ATP8B4: variants seen among roughly 807,000 people sequenced by gnomAD.
The protein encoded by ATP8B4 is ATPase phospholipid transporting 8B4 (putative).
In ATP8B4, 133 loss-of-function variants were observed where a neutral mutation model predicts 145.6. The observed-to-expected ratio is 0.91, with a 90% CI of 0.79 to 1.05. The LOEUF (loss-of-function observed/expected upper bound fraction) is 1.05. ATP8B4 is among the 50% of genes least tolerant of loss of function. ATP8B4 has a pLI of 0.00. For synonymous variants in ATP8B4, 507 were observed against 492.9 expected (o/e 1.03, Z -0.38); for missense variants, 1,458 against 1,425.2 (o/e 1.02, Z -0.37).
chr15:50,016,741 T>C (rs2049121419), intron 6 of ATP8B4, among the ~76,000 whole-genome samples: 1 of 152,104 alleles, frequency 6.6e-6, no homozygotes, highest in South Asian at 2.1e-4. Context: ...CCAAGGGCAA[T>C]TCCCAGAGAG....
At chr15:50,028,330 C>T (rs576671574) in intron 6 of ATP8B4, among the ~76,000 whole-genome samples, 1 of 152,270 alleles carries the variant, frequency 6.6e-6, no homozygotes, top group African/African-American at 2.4e-5. Flanking sequence ...TAGAACATGC[C>T]TAACATGGAA....
intron 3 of ATP8B4, among the ~76,000 whole-genome samples, chr15:50,055,303 T>C (rs928935265): frequency 1.3e-5 from 2 of 152,194 alleles, no homozygotes; most frequent in African/African-American, 2.4e-5. Flanking sequence ...CTAAGTCAAT[T>C]TGAGTTGGTT....
At chr15:49,947,763 C>G (rs1376864743) in intron 14 of ATP8B4, among the ~76,000 whole-genome samples, 1 of 151,974 alleles carries the variant, frequency 6.6e-6, no homozygotes, top group South Asian at 2.1e-4. Context: ...TACTGGTATC[C>G]CCAGTAAAGA....
intron 1 of ATP8B4, among the ~76,000 whole-genome samples, chr15:50,177,461 T>G (rs1191625874): frequency 6.6e-6 from 1 of 152,220 alleles, no homozygotes; most frequent in East Asian, 1.9e-4. Flanking sequence ...GTTTATAAGT[T>G]CAGTACAAGG....
chr15:49,987,558 T>C lies in ATP8B4; in HGVS notation c.590-9A>G. On this transcript the variant is annotated splice_polypyrimidine_tract_variant and intron_variant, in intron 9 of 27. Transcript: ENST00000284509. ...CTCACAGACAACAATCCCTGGAAAATAAAAAAACAAAACAAACCTCTTTAT... is the reference window on the plus strand; with the variant it reads ...CTCACAGACAACAATCCCTGGAAAACAAAAAAACAAAACAAACCTCTTTAT... 1.2e-6 allele frequency: 2 copies of C among 1,608,406 alleles called. No homozygotes were observed. The highest frequency in any genetic ancestry group is 2.2e-5 in the East Asian group (1 of 44,772).
At chr15:49,939,783 C>T (rs1388092043) in intron 14 of ATP8B4, among the ~76,000 whole-genome samples, 1 of 151,958 alleles carries the variant, frequency 6.6e-6, no homozygotes, top group Non-Finnish European at 1.5e-5. Flanking sequence ...AGAAAATATG[C>T]CAAAGACACA....
intron 7 of ATP8B4, among the ~76,000 whole-genome samples, chr15:50,007,874 T>G (rs1486936627): frequency 6.6e-6 from 1 of 152,188 alleles, no homozygotes; most frequent in Non-Finnish European, 1.5e-5. Flanking sequence ...GGAAAAACTT[T>G]GAACAAAATT....
chr15:50,144,866 G>A (rs8033014), intron 1 of ATP8B4, among the ~76,000 whole-genome samples: 134,171 of 152,096 alleles, frequency 0.88, 59,234 homozygotes, highest in East Asian at 0.97. Flanking sequence ...CCTGGAAGCC[G>A]TCACGGACTA....
At chr15:50,006,413 C>G (rs1438252626) in intron 7 of ATP8B4, among the ~76,000 whole-genome samples, 1 of 129,106 alleles carries the variant, frequency 7.7e-6, no homozygotes, top group Non-Finnish European at 1.6e-5. Flanking sequence ...TTACTTACAG[C>G]AAATAGGTTG....
At chr15:49,985,164 G>T (rs567506291) in intron 10 of ATP8B4, among the ~76,000 whole-genome samples, 2 of 151,096 alleles carry the variant, frequency 1.3e-5, no homozygotes, top group African/African-American at 4.9e-5. Context: ...TGGTGCAATC[G>T]CAGCTCACTA....
At chr15:49,900,372 T>C (rs2037886171) in intron 21 of ATP8B4, among the ~76,000 whole-genome samples, 1 of 152,184 alleles carries the variant, frequency 6.6e-6, no homozygotes, top group Non-Finnish European at 1.5e-5. Flanking sequence ...GTCCAAACCC[T>C]AAAGTGAAAA....
At chr15:50,077,420 G>A (rs1484647929) in intron 2 of ATP8B4, among the ~76,000 whole-genome samples, 1 of 152,106 alleles carries the variant, frequency 6.6e-6, no homozygotes, top group Non-Finnish European at 1.5e-5. Flanking sequence ...AAAGCCTAGA[G>A]AATAAAATAG....
At chr15:49,916,830 C>A in intron 20 of ATP8B4, 104 bp downstream of exon 20, 1 of 1,073,924 alleles carries the variant, frequency 9.3e-7, no homozygotes. Flanking sequence ...TAAGTTAAGA[C>A]CACAGGAAAC....
chr15:50,133,308 G>A (rs566595385), intron 1 of ATP8B4, among the ~76,000 whole-genome samples: 18 of 152,272 alleles, frequency 1.2e-4, no homozygotes, highest in Non-Finnish European at 2.1e-4. Flanking sequence ...ACTGGGCATA[G>A]TGGCCGACAC....
intron 14 of ATP8B4, among the ~76,000 whole-genome samples, chr15:49,940,398 A>T (rs2042072296): frequency 6.6e-6 from 1 of 152,168 alleles, no homozygotes; most frequent in African/African-American, 2.4e-5. Context: ...CTGCTACAGC[A>T]GGGAGGTAGG....
At chr15:49,962,561 A>G (rs191785901) in intron 13 of ATP8B4, among the ~76,000 whole-genome samples, 104 of 152,344 alleles carry the variant, frequency 6.8e-4, no homozygotes, top group African/African-American at 2.4e-3. Flanking sequence ...TTTTCTTAGT[A>G]CAAAGCTAAT....
At chr15:49,944,925 C>T (rs1336318244) in intron 14 of ATP8B4, among the ~76,000 whole-genome samples, 4 of 152,022 alleles carry the variant, frequency 2.6e-5, no homozygotes, top group African/African-American at 4.8e-5. Context: ...GGAATCCTCA[C>T]CAAAATGTGG....
intron 7 of ATP8B4, among the ~76,000 whole-genome samples, chr15:50,008,423 G>T (rs997588732): frequency 1.3e-5 from 2 of 152,202 alleles, no homozygotes; most frequent in African/African-American, 4.8e-5. Flanking sequence ...ACCCCATCAT[G>T]GGAACCACCA....
chr15:50,027,650 C>A (rs2050113080), intron 6 of ATP8B4, among the ~76,000 whole-genome samples: 1 of 152,160 alleles, frequency 6.6e-6, no homozygotes, highest in Non-Finnish European at 1.5e-5. Context: ...CCCTGCAACT[C>A]CATCATACTG....
Sources: allele counts gnomAD v4.1 joint callset (sites outside exome capture counted in the v4.1 genomes callset), GRCh38; gene constraint gnomAD v4.1.1; transcripts MANE v1.5; gene names NCBI Gene and HGNC (gene_info 2026-07-23, HGNC 2026-07-21).